PER2: variants seen among roughly 807,000 people sequenced by gnomAD.
The protein encoded by PER2 is period circadian regulator 2.
In PER2, 66 loss-of-function variants were observed where a neutral mutation model predicts 121.0. That is an observed-to-expected ratio of 0.55 (90% confidence interval 0.45 to 0.67). The LOEUF is 0.67. PER2 is among the 30% of genes least tolerant of loss of function. The pLI is 0.00. For synonymous variants in PER2, 684 were observed against 659.9 expected (o/e 1.04, Z -0.56); for missense variants, 1,521 against 1,635.0 (o/e 0.93, Z 1.20).
At position 238,262,232 on chromosome 2, in the gene PER2, G is replaced by T; in HGVS notation, c.1266C>A (p.Ser422Arg). ...TSWSSFINPW[S>R]RKISFIIGRH... is the part of the protein sequence containing the mutation. The stretch of plus-strand genomic sequence containing the variant: ...TCCCAATGATGAAGGAGATTTTCCT[G>T]CTCCATGGGTTGATGAAGCTGGACC... The change falls in exon 11 of 23, where the codon AGC (serine) becomes AGA (arginine). Residue 422 changes from serine (S) to arginine (R), a missense_variant. Ser to Arg is a moderately radical substitution (Grantham distance 110, BLOSUM62 -1). Transcript: ENST00000254657. 6.2e-7 allele frequency: 1 copy of T among 1,614,100 alleles called. No homozygotes were observed. The highest frequency in any genetic ancestry group is 1.1e-5 in the South Asian group (1 of 91,072).
chr2:238,261,496 T>C (rs1695930498), intron 12 of PER2: 1 of 582,156 alleles, frequency 1.7e-6, no homozygotes, highest in African/African-American at 1.8e-5. Context: ...AGCTACTCAC[T>C]CAGGGCTGCA....
intron 16 of PER2, 78 bp from the exon 17 acceptor site, chr2:238,257,164 G>A (rs1306981037): frequency 6.7e-6 from 9 of 1,351,430 alleles, no homozygotes; most frequent in African/African-American, 1.4e-5. Flanking sequence ...ACACCCAAGT[G>A]CCCATACAGC....
the PER2 span, among the ~76,000 whole-genome samples, chr2:238,297,616 C>T: frequency 6.6e-6 from 1 of 152,210 alleles, no homozygotes. Context: ...CCCTGCAGGG[C>T]AGTGGCAGAC....
At chr2:238,259,369 C>T (rs775866525) in intron 14 of PER2, among the ~76,000 whole-genome samples, 3 of 152,160 alleles carry the variant, frequency 2.0e-5, no homozygotes, top group Non-Finnish European at 2.9e-5. Context: ...GAAATACATG[C>T]GGGACAGAGG....
Position 238,261,811 on chromosome 2 carries a change from G to A in PER2, c.1334C>T (p.Ala445Val), listed in dbSNP as rs866894217. 2 of 1,571,590 alleles carry A rather than the reference G, an allele frequency of 1.3e-6. No homozygotes were observed. Among genetic ancestry groups the A allele is most frequent in the Non-Finnish European group, 1.7e-6 (2 of 1,157,356 alleles). ...CTTCTCCTCTGTGCAGGGGTGGGCT[G>A]CAAACACGTCCTCATTCAAAGGGCC... is the stretch of plus-strand genomic sequence containing the variant. Reference protein sequence around the residue: ...RVGPLNEDVFAAHPCTEEKAL... With the variant: ...RVGPLNEDVFVAHPCTEEKAL... Residue 445 changes from alanine (A) to valine (V), a missense_variant, in exon 12 of 23, where the codon GCA (alanine) becomes GTA (valine). By Grantham distance (64) the Ala-to-Val change is moderately conservative (BLOSUM62 0). Transcript: ENST00000254657.
In PER2 at chr2:238,256,834, T is replaced by G. The variant is rs1265228005; in HGVS notation, c.2065+88A>C. ...CTATCGGGCTATGGTGGAGTTCTTC[T>G]GCACTTAGAAAAATTTAAGATGGCA... On this transcript the variant is annotated intron_variant, in intron 17 of 22. Transcript: ENST00000254657. The G allele has an allele frequency of 5.2e-6, 7 of 1,353,228 alleles. No homozygotes were observed. In the African/African-American group the frequency reaches 7.2e-5, roughly 14 times the overall value. 83.8% of individuals were successfully genotyped at this position (1,353,228 alleles called of 1,614,324 possible).
At chr2:238,259,473 C>T (rs767856555) in intron 14 of PER2, among the ~76,000 whole-genome samples, 6 of 152,160 alleles carry the variant, frequency 3.9e-5, no homozygotes, top group South Asian at 2.1e-4. Context: ...GGGGGTGGGT[C>T]GGCAGCCCCT....
Position 238,275,876 on chromosome 2 carries a change from C to T in PER2, c.315G>A (p.Val105=). 1 of 1,614,240 alleles carries T rather than the reference C, an allele frequency of 6.2e-7. No individual in the cohort carries two copies. The highest frequency in any genetic ancestry group is 2.2e-5 in the East Asian group (1 of 44,880). The change falls in exon 4 of 23, where the codon GTG becomes GTA. Residue 105 remains valine (V), a synonymous_variant. Coordinates refer to ENST00000254657, the MANE Select transcript of PER2 (RefSeq NM_022817.3). ...TTTTTATCAGTTCTTTGTGTGTGTC[C>T]ACTTTCGAAGACTGGTCGCTACTGC... ...SGCSSDQSSK[V]DTHKELIKTL... is the part of the protein sequence containing the mutation.
At chr2:238,254,396 GGGCTCTTGCAGCA>G (rs1695700189) in intron 18 of PER2, 1 of 153,582 alleles carries the variant, frequency 6.5e-6, no homozygotes, top group Non-Finnish European at 1.4e-5. Context: ...GAGTGACTTG[GGGCTCTTGCAGCA>G]GGTGTCTGGG....
intron 9 of PER2, 70 bp from the exon 10 acceptor site, chr2:238,263,128 C>T (rs1490855920): frequency 4.3e-6 from 4 of 939,474 alleles, no homozygotes; most frequent in Non-Finnish European, 6.9e-6. Flanking sequence ...TAAGAACCAT[C>T]TTATTCCCTG....
chr2:238,257,012 T>G lies in PER2; in HGVS notation c.1975A>C (p.Lys659Gln). 1.2e-6 allele frequency: 2 copies of G among 1,613,662 alleles called. No individual in the cohort carries two copies. The highest frequency in any genetic ancestry group is 2.2e-5 in the South Asian group (2 of 91,080). ...THLTSLALPG[K>Q]AESVASLTSQ... ...GTGAGCGACGCCACACTCTCTGCCT[T>G]GCCCGGCAGTGCCAGCGAGGTCAGG... The change falls in exon 17 of 23, where the codon AAG becomes CAG. Residue 659 changes from lysine to glutamine, a missense_variant. By Grantham distance (53) the Lys-to-Gln change is moderately conservative. Coordinates refer to ENST00000254657, the MANE Select transcript of PER2 (RefSeq NM_022817.3).
rs1195015077 is a variant in PER2, at chr2:238,252,175, C to G, written c.3112-414G>C. Among the ~76,000 whole-genome samples, 1 of 152,128 alleles carries G rather than the reference C, an allele frequency of 6.6e-6. No individual in the cohort carries two copies. The highest frequency in any genetic ancestry group is 1.5e-5 in the Non-Finnish European group (1 of 68,034). On this transcript the variant is annotated intron_variant, in intron 19 of 22. Transcript: ENST00000254657. This position sits in a 1 kb window ranked among gnomAD's most constrained non-coding sequence, Gnocchi z 4.2. Reference sequence around the variant, plus strand: ...GCCTGGCCTGGGGAGCATCCCTGACCCTCCTCTCCTTGGAAACCCAGACTG... The same window carrying G: ...GCCTGGCCTGGGGAGCATCCCTGACGCTCCTCTCCTTGGAAACCCAGACTG...
At chr2:238,272,535 GA>G (rs1309422014) in intron 5 of PER2, among the ~76,000 whole-genome samples, 1 of 152,238 alleles carries the variant, frequency 6.6e-6, no homozygotes, top group Non-Finnish European at 1.5e-5. Flanking sequence ...CCAGCTTCAT[GA>G]TGGTCCCAGC....
chr2:238,267,485 C>T (rs987922125), intron 8 of PER2, among the ~76,000 whole-genome samples: 1 of 152,184 alleles, frequency 6.6e-6, no homozygotes, highest in African/African-American at 2.4e-5. Context: ...AGAGGCACAG[C>T]AAGCCTTGTA....
Position 238,252,827 on chromosome 2 carries a change from A to G in PER2, c.3111+85T>C. On this transcript the variant is annotated intron_variant, in intron 19 of 22. Coordinates refer to ENST00000254657, the MANE Select transcript of PER2 (RefSeq NM_022817.3). The surrounding 1 kb of genome is among the most constrained non-coding windows in gnomAD (Gnocchi z 4.2). ...TGGAAACCTCAATCGTGTAACCCCC[A>G]TGTCTGAACTGAGGATGTGCGGCCG... 1 of 1,156,966 alleles carries G rather than the reference A, an allele frequency of 8.6e-7. No homozygotes were observed. Among genetic ancestry groups the G allele is most frequent in the South Asian group, 1.2e-5 (1 of 82,236 alleles). The allele number at this position is 1,156,966 out of a possible 1,614,324, so 71.7% of individuals were successfully genotyped here. A position where few individuals can be genotyped will look rare whatever the true frequency, so the allele number is the denominator to read the frequency against.
Position 238,250,675 on chromosome 2 carries a change from C to T in PER2, c.3343G>A (p.Ala1115Thr). 1 of 1,613,524 alleles carries T rather than the reference C, an allele frequency of 6.2e-7. No homozygotes were observed. The highest frequency in any genetic ancestry group is 8.5e-7 in the Non-Finnish European group (1 of 1,179,410). The change falls in exon 21 of 23, where the codon GCA (alanine) becomes ACA (threonine). Residue 1115 changes from alanine (A) to threonine (T), a missense_variant. Physicochemically the swap from Ala to Thr is moderately conservative, Grantham distance 58. Coordinates refer to ENST00000254657, the MANE Select transcript of PER2 (RefSeq NM_022817.3). ...SIDSSENNHK[A>T]KMNTGMEESE... is the part of the protein sequence containing the mutation. ...TCTTCCATACCAGTGTTCATTTTTG[C>T]TTTGTGATTATTCTCTGAGGAGTCA...
rs1042205642 is a variant in PER2, at chr2:238,252,147, G to C, written c.3112-386C>G. On this transcript the variant is annotated intron_variant, in intron 19 of 22. Coordinates refer to ENST00000254657, the MANE Select transcript of PER2 (RefSeq NM_022817.3). This position sits in a 1 kb window ranked among gnomAD's most constrained non-coding sequence, Gnocchi z 4.2. The stretch of plus-strand genomic sequence containing the variant: ...TGGGGGCTGCCTTGGGATTGAGGGC[G>C]GGGCCTGGCCTGGGGAGCATCCCTG... Among the ~76,000 whole-genome samples, 1 of 152,152 alleles carries C rather than the reference G, an allele frequency of 6.6e-6. No homozygotes were observed. Among genetic ancestry groups the C allele is most frequent in the Non-Finnish European group, 1.5e-5 (1 of 68,018 alleles).
chr2:238,274,913 G>A (rs751260650), intron 4 of PER2, among the ~76,000 whole-genome samples: 3 of 152,186 alleles, frequency 2.0e-5, no homozygotes, highest in Non-Finnish European at 2.9e-5. Context: ...CTAGCACATG[G>A]CAGAGCAACC....
chr2:238,290,830 T>C (rs898200076), upstream of PER2, among the ~76,000 whole-genome samples: 1 of 152,120 alleles, frequency 6.6e-6, no homozygotes, highest in African/African-American at 2.4e-5. Flanking sequence ...GTCTAAGTTG[T>C]GGTGTGTAGG....
Sources: gnomAD v4.1 joint callset for allele counts (sites outside exome capture counted in the v4.1 genomes callset) on GRCh38, gnomAD v4.1.1 for gene constraint, Gnocchi (gnomAD v3.1) non-coding constraint, MANE v1.5 for transcripts, NCBI Gene and HGNC (gene_info 2026-07-23, HGNC 2026-07-21) for gene names.